The following IGF2BP2 variants were observed in gnomAD, a reference collection of about 807,000 sequenced individuals.
IGF2BP2 encodes the protein insulin-like growth factor 2 mRNA-binding protein 2.
A neutral mutation model predicts 75.8 loss-of-function variants in IGF2BP2; 17 were observed. The ratio of observed to expected loss-of-function variants is 0.22; its 90% CI spans 0.15 to 0.34. The LOEUF (loss-of-function observed/expected upper bound fraction) is 0.34, where lower values mean the gene tolerates loss of function less well. Among genes scored for constraint, IGF2BP2 ranks in the 10% least tolerant of loss-of-function variants. The pLI, the probability that IGF2BP2 is intolerant of heterozygous loss-of-function variation, is 1.00. For synonymous variants in IGF2BP2, 288 were observed against 295.6 expected (o/e 0.97, Z 0.26); for missense variants, 516 against 772.4 (o/e 0.67, Z 3.93).
chr3:185,717,545 C>T (rs1361026638), intron 2 of IGF2BP2: 1 of 152,032 alleles, frequency 6.6e-6, no homozygotes, highest in Non-Finnish European at 1.5e-5. Context: ...ATCTGTGAGC[C>T]AAGAAAAAAG....
chr3:185,695,817 G>A (rs1322530348), intron 4 of IGF2BP2, among the ~76,000 whole-genome samples: 1 of 152,170 alleles, frequency 6.6e-6, no homozygotes, highest in Non-Finnish European at 1.5e-5. Flanking sequence ...TTGAGACAAA[G>A]TCTCACTCTG....
intron 2 of IGF2BP2, among the ~76,000 whole-genome samples, chr3:185,725,538 T>G (rs1224500023): frequency 1.3e-5 from 2 of 152,108 alleles, no homozygotes; most frequent in Non-Finnish European, 2.9e-5. Flanking sequence ...CTTGACATAA[T>G]TAGGTTCATC....
At chr3:185,708,140 T>C (rs1281872976) in intron 2 of IGF2BP2, among the ~76,000 whole-genome samples, 1 of 152,228 alleles carries the variant, frequency 6.6e-6, no homozygotes, top group Non-Finnish European at 1.5e-5. Context: ...GAGGAGCTGA[T>C]GAGTCCCTTG....
chr3:185,647,279 C>T lies in IGF2BP2; in HGVS notation c.1594-141G>A. 2 of 660,564 alleles carry T rather than the reference C, an allele frequency of 3.0e-6. No individual in the cohort carries two copies. Among genetic ancestry groups the T allele is most frequent in the East Asian group, 2.7e-5 (1 of 36,938 alleles). The allele number at this position is 660,564 out of a possible 1,614,324, so 40.9% of individuals were successfully genotyped here. A position where few individuals can be genotyped will look rare whatever the true frequency, so the allele number is the denominator to read the frequency against. ...TGCTCTCCTTTCCTTTTATCAAGGA[C>T]ACCCCGGGGGCTCCTCTGCCCCTGA... On this transcript the variant is annotated intron_variant, in intron 14 of 15. Transcript: ENST00000382199. This position sits in a 1 kb window ranked among gnomAD's most constrained non-coding sequence, Gnocchi z 4.9.
At chr3:185,725,727 T>C (rs1371243073) in intron 2 of IGF2BP2, among the ~76,000 whole-genome samples, 1 of 152,142 alleles carries the variant, frequency 6.6e-6, no homozygotes, top group African/African-American at 2.4e-5. Context: ...ATCCCAACAC[T>C]TTGGGAGGCC....
At chr3:185,718,390 T>A (rs754212327) in intron 2 of IGF2BP2, among the ~76,000 whole-genome samples, 1 of 151,986 alleles carries the variant, frequency 6.6e-6, no homozygotes, top group Non-Finnish European at 1.5e-5. Flanking sequence ...AGTAACTCTA[T>A]CAGAAAGCAA....
chr3:185,702,287 T>C (rs1723410606), intron 2 of IGF2BP2, among the ~76,000 whole-genome samples: 1 of 151,970 alleles, frequency 6.6e-6, no homozygotes, highest in African/African-American at 2.4e-5. Flanking sequence ...GGAAAACGAA[T>C]TGTCTATTTT....
At chr3:185,655,104 G>C (rs554672595) in intron 12 of IGF2BP2, among the ~76,000 whole-genome samples, 2 of 152,274 alleles carry the variant, frequency 1.3e-5, no homozygotes, top group South Asian at 4.1e-4. Flanking sequence ...TTGAGACAAA[G>C]GGAATCTAGC....
intron 10 of IGF2BP2, among the ~76,000 whole-genome samples, chr3:185,664,997 T>C (rs937608109): frequency 6.6e-6 from 1 of 151,638 alleles, no homozygotes; most frequent in Non-Finnish European, 1.5e-5. Flanking sequence ...AAAAAACTTA[T>C]AGATACCGGG....
intron 10 of IGF2BP2, among the ~76,000 whole-genome samples, chr3:185,664,359 C>G (rs1716948947): frequency 6.6e-6 from 1 of 152,086 alleles, no homozygotes; most frequent in South Asian, 2.1e-4. Flanking sequence ...AAAAAGCTCC[C>G]CTAAGGATTG....
intron 2 of IGF2BP2, among the ~76,000 whole-genome samples, chr3:185,734,427 A>T (rs1728590840): frequency 6.6e-6 from 1 of 152,196 alleles, no homozygotes; most frequent in African/African-American, 2.4e-5. Context: ...TTACCTCCCT[A>T]TTAAAGCATA....
chr3:185,720,876 T>C (rs1726423540), intron 2 of IGF2BP2, among the ~76,000 whole-genome samples: 1 of 152,192 alleles, frequency 6.6e-6, no homozygotes, highest in Admixed American at 6.5e-5. Flanking sequence ...GTAACTGCTG[T>C]GTGAGAAGGT....
chr3:185,777,687 G>C (rs1734693884), intron 2 of IGF2BP2, among the ~76,000 whole-genome samples: 2 of 152,130 alleles, frequency 1.3e-5, no homozygotes, highest in African/African-American at 4.8e-5. Flanking sequence ...GTTAAATCAA[G>C]GAATAAATGT....
At chr3:185,667,926 T>A (rs1717898734) in intron 10 of IGF2BP2, among the ~76,000 whole-genome samples, 2 of 152,344 alleles carry the variant, frequency 1.3e-5, no homozygotes, top group South Asian at 4.1e-4. Flanking sequence ...AAAATATTTT[T>A]AAATTAAGAC....
At chr3:185,824,430 CAG>C (rs1165787089) in intron 1 of IGF2BP2, among the ~76,000 whole-genome samples, 13 of 127,388 alleles carry the variant, frequency 1.0e-4, no homozygotes, top group South Asian at 7.3e-4. Context: ...AGAAGTGAGA[CAG>C]GGGACGCTCA....
intron 10 of IGF2BP2, among the ~76,000 whole-genome samples, chr3:185,671,510 C>T (rs1718498533): frequency 7.1e-6 from 1 of 141,076 alleles, no homozygotes; most frequent in African/African-American, 2.7e-5. Context: ...GCACTCCAGC[C>T]TGGCGACAGA....
intron 2 of IGF2BP2, chr3:185,820,919 T>A: frequency 7.5e-7 from 1 of 1,333,104 alleles, no homozygotes; most frequent in Non-Finnish European, 1.0e-6. Context: ...CCAAATTTAC[T>A]TCTAACTTGT....
chr3:185,678,471 C>T (rs759555033), intron 7 of IGF2BP2, among the ~76,000 whole-genome samples: 9 of 152,190 alleles, frequency 5.9e-5, no homozygotes, highest in Non-Finnish European at 1.3e-4. Flanking sequence ...CCTTGTGCTG[C>T]TGATTTCTGG....
At chr3:185,805,032 C>G (rs1033232959) in intron 2 of IGF2BP2, among the ~76,000 whole-genome samples, 1 of 151,848 alleles carries the variant, frequency 6.6e-6, no homozygotes, top group Non-Finnish European at 1.5e-5. Context: ...CCTCAGGCCA[C>G]GAACTGAACA....
Sources: gnomAD v4.1 joint callset for allele counts (sites outside exome capture counted in the v4.1 genomes callset) on GRCh38, gnomAD v4.1.1 for gene constraint, Gnocchi (gnomAD v3.1) non-coding constraint, MANE v1.5 for transcripts, NCBI Gene and HGNC (gene_info 2026-07-23, HGNC 2026-07-21) for gene names.